The following ZSWIM6 variants were observed in gnomAD, a reference collection of about 807,000 sequenced individuals.
The protein encoded by ZSWIM6 is zinc finger SWIM domain-containing protein 6.
A neutral mutation model predicts 113.2 loss-of-function variants in ZSWIM6; 9 were observed. The ratio of observed to expected loss-of-function variants is 0.08; its 90% CI spans 0.05 to 0.14. The LOEUF is 0.14. Among genes scored for constraint, ZSWIM6 ranks in the 10% least tolerant of loss-of-function variants. The pLI is 1.00. For synonymous variants in ZSWIM6, 611 were observed against 606.5 expected, an observed-to-expected ratio of 1.01 and a Z score of -0.11; for missense variants, 1,162 against 1,552.2, an observed-to-expected ratio of 0.75 and a Z score of 4.22.
chr5:61,434,742 C>T (rs538310885), intron 1 of ZSWIM6, among the ~76,000 whole-genome samples: 1 of 152,010 alleles, frequency 6.6e-6, no homozygotes, highest in Non-Finnish European at 1.5e-5. Flanking sequence ...AATGGTACTG[C>T]TATAACATGT....
chr5:61,515,233 A>G (rs1748899238), intron 4 of ZSWIM6, among the ~76,000 whole-genome samples: 1 of 152,146 alleles, frequency 6.6e-6, no homozygotes, highest in African/African-American at 2.4e-5. Context: ...GGTTCAAGCA[A>G]TTCCCCTGTC....
chr5:61,487,438 C>T (rs1467794094), intron 2 of ZSWIM6, among the ~76,000 whole-genome samples: 1 of 151,772 alleles, frequency 6.6e-6, no homozygotes, highest in African/African-American at 2.4e-5. Flanking sequence ...TGAAAAATGT[C>T]AATATTTGGA....
intron 12 of ZSWIM6, among the ~76,000 whole-genome samples, chr5:61,540,825 G>A (rs1395762444): frequency 6.6e-6 from 1 of 151,228 alleles, no homozygotes. Flanking sequence ...ACCTAAGAAG[G>A]AATCTCACAG....
chr5:61,541,934 G>A lies in ZSWIM6; in HGVS notation c.2754G>A (p.Val918=), dbSNP rs1749750172. 1 of 1,551,380 alleles carries A rather than the reference G, an allele frequency of 6.4e-7. No homozygotes were observed. Reference sequence around the variant, plus strand: ...TAAATTGGCGACGGCGGGAGATGGTGAGGTGGCTGGTAACGTGTGCTACTG... The same window carrying A: ...TAAATTGGCGACGGCGGGAGATGGTAAGGTGGCTGGTAACGTGTGCTACTG... The part of the protein sequence containing the change: ...STLNWRRREM[V]RWLVTCATEV... The change falls in exon 13 of 14, where the codon GTG becomes GTA. Residue 918 remains valine, a synonymous_variant. Coordinates refer to ENST00000252744, the MANE Select transcript of ZSWIM6 (RefSeq NM_020928.2).
At chr5:61,352,112 A>T (rs537119023) in intron 1 of ZSWIM6, among the ~76,000 whole-genome samples, 1 of 152,144 alleles carries the variant, frequency 6.6e-6, no homozygotes, top group African/African-American at 2.4e-5. Context: ...TGCCTTTCAG[A>T]TGTGTCTAGG....
chr5:61,423,618 A>G (rs1217374395), intron 1 of ZSWIM6, among the ~76,000 whole-genome samples: 2 of 152,186 alleles, frequency 1.3e-5, no homozygotes, highest in African/African-American at 4.8e-5. Context: ...TGATATTGCT[A>G]CAAATCAGAT....
At position 61,339,163 on chromosome 5, in the gene ZSWIM6, C is replaced by A. The variant is rs1057087862; in HGVS notation, c.676+6215C>A. Among the ~76,000 whole-genome samples, 2 of 152,196 alleles carry A rather than the reference C, an allele frequency of 1.3e-5. 1 individual carries two copies. The highest frequency in any genetic ancestry group is 4.1e-4 in the South Asian group (2 of 4,832). On this transcript the variant is annotated intron_variant, in intron 1 of 13. Transcript: ENST00000252744. Reference sequence around the variant, plus strand: ...TCAGTAATAGGCAGTGTAGGAATGACATGTTTTGTTTTATAAGAGTTGTCC... The same window carrying A: ...TCAGTAATAGGCAGTGTAGGAATGAAATGTTTTGTTTTATAAGAGTTGTCC...
At chr5:61,469,761 G>A (rs937359889) in intron 1 of ZSWIM6, among the ~76,000 whole-genome samples, 8 of 151,948 alleles carry the variant, frequency 5.3e-5, no homozygotes, top group Admixed American at 2.0e-4. Flanking sequence ...GTGCAGTGGT[G>A]CAATCTTGGC....
chr5:61,351,033 G>A (rs1744772432), intron 1 of ZSWIM6, among the ~76,000 whole-genome samples: 1 of 151,942 alleles, frequency 6.6e-6, no homozygotes, highest in African/African-American at 2.4e-5. Flanking sequence ...AGGAAACATT[G>A]TTTTAAAAAA....
At chr5:61,457,941 A>G (rs1330199768) in intron 1 of ZSWIM6, among the ~76,000 whole-genome samples, 1 of 152,188 alleles carries the variant, frequency 6.6e-6, no homozygotes, top group Non-Finnish European at 1.5e-5. Context: ...ATTGAATCAT[A>G]TATATTATGC....
At chr5:61,519,115 T>G (rs1037051299) in intron 4 of ZSWIM6, among the ~76,000 whole-genome samples, 17 of 152,186 alleles carry the variant, frequency 1.1e-4, no homozygotes, top group African/African-American at 3.9e-4. Context: ...TTTAAAAAAT[T>G]TCTTAAAGCA....
Position 61,479,105 on chromosome 5 carries a change from A to T in ZSWIM6, c.1033+6068A>T, listed in dbSNP as rs866558909. 2.0e-5 allele frequency among the ~76,000 whole-genome samples: 3 copies of T among 152,010 alleles called. No individual in the cohort carries two copies. In the East Asian group the frequency reaches 5.8e-4, roughly 29 times the overall value. ...AGAATCACTTGAACTTGGGAGGCGG[A>T]GACTGCAGTGAGCCAAGATCGCACC... is the stretch of plus-strand genomic sequence containing the variant. On this transcript the variant is annotated intron_variant, in intron 2 of 13. Coordinates refer to ENST00000252744, the MANE Select transcript of ZSWIM6 (RefSeq NM_020928.2).
intron 9 of ZSWIM6, 128 bp from the exon 10 acceptor site, chr5:61,535,356 C>G: frequency 1.7e-6 from 2 of 1,152,366 alleles, no homozygotes; most frequent in South Asian, 3.1e-5. Flanking sequence ...ATATTCCTTT[C>G]TATATCATTT....
At chr5:61,375,156 A>G (rs1467618105) in intron 1 of ZSWIM6, 7 of 1,613,090 alleles carry the variant, frequency 4.3e-6, no homozygotes, top group African/African-American at 2.7e-5. Flanking sequence ...ACCCAATAGC[A>G]ATGGCGAGAT....
intron 8 of ZSWIM6, among the ~76,000 whole-genome samples, chr5:61,531,223 T>C (rs1281055333): frequency 6.6e-6 from 1 of 152,208 alleles, no homozygotes; most frequent in Non-Finnish European, 1.5e-5. Context: ...TGGTGATTTA[T>C]TTTCAAGGGA....
intron 1 of ZSWIM6, among the ~76,000 whole-genome samples, chr5:61,356,744 TA>T (rs897049521): frequency 7.3e-6 from 1 of 137,650 alleles, no homozygotes. Flanking sequence ...ATATATTATA[TA>T]TATATATTAT....
At chr5:61,471,785 T>G (rs549213870) in intron 1 of ZSWIM6, among the ~76,000 whole-genome samples, 11 of 152,240 alleles carry the variant, frequency 7.2e-5, no homozygotes, top group African/African-American at 2.6e-4. Context: ...CCATGGAAAA[T>G]TATCTAATTG....
intron 1 of ZSWIM6, among the ~76,000 whole-genome samples, chr5:61,431,372 CAAAAAAAAAAA>C (rs397881994): frequency 4.5e-5 from 2 of 44,538 alleles, no homozygotes; most frequent in South Asian, 1.1e-3. Flanking sequence ...ACTCCATCTC[CAAAAAAAAAAA>C]AAAAAAAAAA....
intron 2 of ZSWIM6, among the ~76,000 whole-genome samples, chr5:61,487,969 C>T (rs908336778): frequency 2.0e-5 from 3 of 151,898 alleles, no homozygotes; most frequent in African/African-American, 4.8e-5. Flanking sequence ...TCTTAGAATG[C>T]TTTCAACTTT....
Sources: gnomAD v4.1 joint callset for allele counts (sites outside exome capture counted in the v4.1 genomes callset) on GRCh38, gnomAD v4.1.1 for gene constraint, MANE v1.5 for transcripts, NCBI Gene and HGNC (gene_info 2026-07-23, HGNC 2026-07-21) for gene names.